Variants in METTL24 observed in about 807,000 individuals in gnomAD.
The protein encoded by METTL24 is probable methyltransferase-like protein 24.
Under a neutral mutation model 32.7 loss-of-function variants are expected in METTL24, and 29 were observed. That is an observed-to-expected ratio of 0.89 (90% CI 0.66 to 1.21). The LOEUF (loss-of-function observed/expected upper bound fraction) is 1.21, where lower values mean the gene tolerates loss of function less well. Ranked by LOEUF, METTL24 falls within the 50% of genes most tolerant of loss-of-function variation. METTL24 has a pLI of 0.00. For missense variants in METTL24, 439 were observed against 468.1 expected (o/e 0.94, Z 0.57); for synonymous variants, 163 against 179.5 (o/e 0.91, Z 0.73).
At chr6:110,356,122 G>C (rs959083352) in intron 1 of METTL24, among the ~76,000 whole-genome samples, 2 of 152,124 alleles carry the variant, frequency 1.3e-5, no homozygotes, top group East Asian at 3.9e-4. Flanking sequence ...ATCCAGAGGG[G>C]AATAAAAGAA....
At chr6:110,333,289 A>G (rs1772142331) in intron 1 of METTL24, among the ~76,000 whole-genome samples, 1 of 152,082 alleles carries the variant, frequency 6.6e-6, no homozygotes, top group South Asian at 2.1e-4. Context: ...ATTAAAACCA[A>G]AGGGAAATGG....
chr6:110,267,880 G>C (rs774264344), intron 4 of METTL24, among the ~76,000 whole-genome samples: 2 of 152,076 alleles, frequency 1.3e-5, no homozygotes, highest in African/African-American at 2.4e-5. Context: ...GAGGGCAAGG[G>C]GGTAGATCTC....
At chr6:110,252,382 T>A (rs1371118726) in intron 4 of METTL24, among the ~76,000 whole-genome samples, 1 of 152,214 alleles carries the variant, frequency 6.6e-6, no homozygotes, top group African/African-American at 2.4e-5. Flanking sequence ...CATGCATTCC[T>A]GGTGTCTCCA....
intron 1 of METTL24, among the ~76,000 whole-genome samples, chr6:110,351,419 AAGAT>A (rs1480280300): frequency 6.6e-6 from 1 of 152,162 alleles, no homozygotes; most frequent in East Asian, 1.9e-4. Flanking sequence ...TGTTTAAAGA[AAGAT>A]AGAGCTAGCT....
intron 1 of METTL24, among the ~76,000 whole-genome samples, chr6:110,347,053 C>T (rs1184195427): frequency 6.6e-6 from 1 of 152,068 alleles, no homozygotes; most frequent in African/African-American, 2.4e-5. Context: ...TTTATTGGTG[C>T]TATACATTGT....
intron 1 of METTL24, among the ~76,000 whole-genome samples, chr6:110,324,414 C>G (rs1771984024): frequency 6.6e-6 from 1 of 152,322 alleles, no homozygotes; most frequent in South Asian, 2.1e-4. Flanking sequence ...GGCATGCAAC[C>G]TGTGCAGTCT....
intron 3 of METTL24, among the ~76,000 whole-genome samples, chr6:110,307,239 A>G (rs546944408): frequency 6.6e-6 from 1 of 152,380 alleles, no homozygotes; most frequent in South Asian, 2.1e-4. Context: ...GATAAGTTAA[A>G]CATGGTCCTT....
intron 3 of METTL24, 144 bp from the exon 4 acceptor site, chr6:110,299,294 A>G: frequency 1.5e-6 from 1 of 658,892 alleles, no homozygotes; most frequent in Non-Finnish European, 2.6e-6. Flanking sequence ...TACACATTCA[A>G]TAAACTTTCT....
chr6:110,259,326 G>A (rs999159569), intron 4 of METTL24, among the ~76,000 whole-genome samples: 8 of 152,192 alleles, frequency 5.3e-5, no homozygotes, highest in Non-Finnish European at 8.8e-5. Context: ...TATATCCCAC[G>A]CCTGGCTCAG....
intron 4 of METTL24, among the ~76,000 whole-genome samples, chr6:110,270,291 C>G (rs538341527): frequency 1.3e-5 from 2 of 151,714 alleles, no homozygotes; most frequent in East Asian, 3.9e-4. Flanking sequence ...ATCCTCCTTC[C>G]TTAAAGGAAT....
At chr6:110,340,998 GTTTTA>G in intron 1 of METTL24, among the ~76,000 whole-genome samples, 1 of 150,902 alleles carries the variant, frequency 6.6e-6, no homozygotes, top group Non-Finnish European at 1.5e-5. Flanking sequence ...TTCCTGTATG[GTTTTA>G]TTATTAAAAC....
chr6:110,302,150 C>T (rs1041706361), intron 3 of METTL24, among the ~76,000 whole-genome samples: 36 of 151,660 alleles, frequency 2.4e-4, no homozygotes, highest in Non-Finnish European at 4.1e-4. Context: ...TGGTGGTGGG[C>T]GCCTGTAGTC....
intron 4 of METTL24, among the ~76,000 whole-genome samples, chr6:110,291,729 G>A (rs938048745): frequency 6.6e-6 from 1 of 152,080 alleles, no homozygotes; most frequent in Non-Finnish European, 1.5e-5. Context: ...ACTGTCTGTC[G>A]TTCCCCTCTA....
intron 4 of METTL24, among the ~76,000 whole-genome samples, chr6:110,260,167 G>A (rs1005904884): frequency 3.9e-5 from 6 of 152,110 alleles, no homozygotes; most frequent in Admixed American, 6.6e-5. Flanking sequence ...AAACTTCTCC[G>A]AACTAAAGGA....
chr6:110,344,804 G>A (rs1772437692), intron 1 of METTL24, among the ~76,000 whole-genome samples: 1 of 152,184 alleles, frequency 6.6e-6, no homozygotes, highest in Non-Finnish European at 1.5e-5. Context: ...AGCCTTAAAT[G>A]TCAATCCTAT....
intron 2 of METTL24, among the ~76,000 whole-genome samples, chr6:110,319,176 G>A (rs142506930): frequency 7.9e-5 from 12 of 152,228 alleles, no homozygotes; most frequent in South Asian, 2.1e-4. Flanking sequence ...TTTACAGAAC[G>A]ATCAACTCTA....
chr6:110,264,264 TA>T, intron 4 of METTL24, among the ~76,000 whole-genome samples: 1 of 151,894 alleles, frequency 6.6e-6, no homozygotes, highest in East Asian at 1.9e-4. Flanking sequence ...AGAACTGAAA[TA>T]AATTTACAAG....
In METTL24 at chr6:110,358,331, C is replaced by G; in HGVS notation, c.-59G>C. 1 of 1,279,466 alleles carries G rather than the reference C, an allele frequency of 7.8e-7. No individual in the cohort carries two copies. The highest frequency in any genetic ancestry group is 1.0e-6 in the Non-Finnish European group (1 of 991,614). The allele number at this position is 1,279,466 out of a possible 1,614,324, so 79.3% of individuals were successfully genotyped here. A position where few individuals can be genotyped will look rare whatever the true frequency, so the allele number is the denominator to read the frequency against. ...GGCCGGCAGCAGGGATGTAGCCCCA[C>G]AGGCCGGAGCGGCCAACTGTGGGAA... On this transcript the variant is annotated 5_prime_UTR_variant, in exon 1 of 5. Coordinates refer to ENST00000338882, the MANE Select transcript of METTL24 (RefSeq NM_001123364.3).
intron 2 of METTL24, among the ~76,000 whole-genome samples, chr6:110,320,207 G>A (rs1771907900): frequency 6.6e-6 from 1 of 152,170 alleles, no homozygotes; most frequent in African/African-American, 2.4e-5. Context: ...AAGAGGATGG[G>A]GGTGGATTTT....
Sources: allele counts gnomAD v4.1 joint callset (sites outside exome capture counted in the v4.1 genomes callset), GRCh38; gene constraint gnomAD v4.1.1; transcripts MANE v1.5; gene names NCBI Gene and HGNC (gene_info 2026-07-23, HGNC 2026-07-21).